Variants in DDX27 observed in about 807,000 individuals in gnomAD.
DDX27 encodes probable ATP-dependent RNA helicase DDX27.
In DDX27, 42 loss-of-function variants were observed where a neutral mutation model predicts 99.3. The observed-to-expected ratio is 0.42, with a 90% CI of 0.33 to 0.55. The LOEUF (loss-of-function observed/expected upper bound fraction) is 0.55, where lower values mean the gene tolerates loss of function less well. DDX27 is among the 20% of genes least tolerant of loss of function. The probability of loss-of-function intolerance (pLI) is 0.07; values close to 1 mark genes in which losing one functional copy is unlikely to be tolerated. For missense variants in DDX27, 798 were observed against 976.8 expected, an observed-to-expected ratio of 0.82 and a Z score of 2.44; for synonymous variants, 329 against 353.8, an observed-to-expected ratio of 0.93 and a Z score of 0.79.
At chr20:49,220,705 C>G (rs1247365943) in intron 1 of DDX27, among the ~76,000 whole-genome samples, 5 of 152,228 alleles carry the variant, frequency 3.3e-5, no homozygotes, top group Non-Finnish European at 7.3e-5. Flanking sequence ...GGCCAGTCCC[C>G]GAGGAGCCAG....
intron 2 of DDX27, 114 bp from the exon 3 acceptor site, chr20:49,222,843 T>C (rs1411414154): frequency 2.8e-6 from 2 of 713,314 alleles, no homozygotes; most frequent in East Asian, 3.0e-5. Flanking sequence ...TATGTATATG[T>C]ATTTTCAGAG....
Position 49,233,606 on chromosome 20 carries a change from C to T in DDX27, c.1170C>T (p.Val390=), listed in dbSNP as rs777109413. ...CTTCTGTCTCCTTGAAGAATCCTGT[C>T]CGGATATTTGTGAACAGCAACACAG... The part of the protein sequence containing the change: ...DLASVSLKNP[V]RIFVNSNTDV... The change falls in exon 11 of 21, where the codon GTC becomes GTT. Residue 390 remains valine, a synonymous_variant. Transcript: ENST00000618172. 8.1e-6 allele frequency: 13 copies of T among 1,614,042 alleles called. No homozygotes were observed. The highest frequency in any genetic ancestry group is 1.1e-5 in the South Asian group (1 of 91,088).
chr20:49,224,736 G>T, intron 4 of DDX27: 1 of 597,286 alleles, frequency 1.7e-6, no homozygotes, highest in Non-Finnish European at 3.0e-6. Flanking sequence ...CCTGGTCTCT[G>T]GACCAGAGTC....
chr20:49,219,562 T>G, intron 1 of DDX27, 21 bp downstream of exon 1: 1 of 1,580,920 alleles, frequency 6.3e-7, no homozygotes, highest in Non-Finnish European at 8.6e-7. Context: ...GGTTCTGGTC[T>G]TTGGGTTTCC....
intron 16 of DDX27, among the ~76,000 whole-genome samples, chr20:49,239,689 G>A (rs1980414567): frequency 8.0e-6 from 1 of 124,968 alleles, no homozygotes. Context: ...GCCATGGACT[G>A]GAACCGGTAT....
intron 11 of DDX27, 21 bp downstream of exon 11, chr20:49,233,730 T>C: frequency 6.2e-7 from 1 of 1,605,080 alleles, no homozygotes; most frequent in Non-Finnish European, 8.5e-7. Context: ...AGGGCAAGCC[T>C]GGGCAGGGTG....
chr20:49,224,444 C>T (rs1284215411), intron 4 of DDX27, among the ~76,000 whole-genome samples: 1 of 148,842 alleles, frequency 6.7e-6, no homozygotes, highest in Non-Finnish European at 1.5e-5. Context: ...CTCACTGCAA[C>T]CTCTGCCTCC....
Position 49,236,451 on chromosome 20 carries a change from T to C in DDX27, c.1628T>C (p.Met543Thr), listed in dbSNP as rs754906917. ...VSLVGEDERK[M>T]LKEIVKAAKA... ...CTGGTGGGAGAAGATGAGCGGAAGA[T>C]GCTGAAGGAGATTGTAAAAGCTGCC... Residue 543 changes from methionine to threonine, a missense_variant, in exon 14 of 21, where the codon ATG becomes ACG. By Grantham distance (81) the Met-to-Thr change is moderately conservative. Coordinates refer to ENST00000618172, the MANE Select transcript of DDX27 (RefSeq NM_017895.8). The surrounding 1 kb of genome is among the most constrained non-coding windows in gnomAD (Gnocchi z 4.1). 2 of 1,612,478 alleles carry C rather than the reference T, an allele frequency of 1.2e-6. No individual in the cohort carries two copies.
chr20:49,243,721 G>T lies in DDX27; in HGVS notation c.2279+18G>T, dbSNP rs1980557339. On this transcript the variant is annotated intron_variant, in intron 20 of 20. Transcript: ENST00000618172. ...AAATCCAGGTGATACTGGCTGTTTTGGAGGGGCATAGGTTTTGGGATTAGA... is the reference window on the plus strand; with the variant it reads ...AAATCCAGGTGATACTGGCTGTTTTTGAGGGGCATAGGTTTTGGGATTAGA... 6.2e-7 allele frequency: 1 copy of T among 1,613,920 alleles called. No homozygotes were observed. Among genetic ancestry groups the T allele is most frequent in the Non-Finnish European group, 8.5e-7 (1 of 1,179,914 alleles).
intron 4 of DDX27, 63 bp from the exon 5 acceptor site, chr20:49,224,882 C>A: frequency 6.3e-7 from 1 of 1,583,862 alleles, no homozygotes; most frequent in South Asian, 1.1e-5. Context: ...AGGACAGTGT[C>A]CAGCAGGATG....
chr20:49,236,550 G>A lies in DDX27; in HGVS notation c.1687+40G>A. 1 of 1,514,940 alleles carries A rather than the reference G, an allele frequency of 6.6e-7. No individual in the cohort carries two copies. The allele number at this position is 1,514,940 out of a possible 1,614,324, so 93.8% of individuals were successfully genotyped here. A position where few individuals can be genotyped will look rare whatever the true frequency, so the allele number is the denominator to read the frequency against. On this transcript the variant is annotated intron_variant, in intron 14 of 20. Coordinates refer to ENST00000618172, the MANE Select transcript of DDX27 (RefSeq NM_017895.8). The surrounding 1 kb of genome is among the most constrained non-coding windows in gnomAD (Gnocchi z 4.1). Reference sequence around the variant, plus strand: ...CTGTGGCAGTGCAGAATGGCTCGGTGGGCGGGGCAAGGACAGAGTGTAATG... The same window carrying A: ...CTGTGGCAGTGCAGAATGGCTCGGTAGGCGGGGCAAGGACAGAGTGTAATG...
intron 7 of DDX27, among the ~76,000 whole-genome samples, chr20:49,227,113 T>C (rs560474870): frequency 1.4e-3 from 212 of 152,034 alleles, no homozygotes; most frequent in South Asian, 4.6e-3. Context: ...CCGCCCGCCT[T>C]GGCCTCCCAA....
chr20:49,242,967 G>A (rs896350200), intron 19 of DDX27, among the ~76,000 whole-genome samples: 5 of 152,042 alleles, frequency 3.3e-5, no homozygotes, highest in Non-Finnish European at 7.4e-5. Context: ...TGATCCACCC[G>A]CCTCAGCCTC....
chr20:49,243,922 T>C lies in DDX27; in HGVS notation c.*88T>C. 1 of 1,513,406 alleles carries C rather than the reference T, an allele frequency of 6.6e-7. No individual in the cohort carries two copies. Among genetic ancestry groups the C allele is most frequent in the African/African-American group, 1.4e-5 (1 of 71,228 alleles). The allele number at this position is 1,513,406 out of a possible 1,614,324, so 93.7% of individuals were successfully genotyped here. On this transcript the variant is annotated 3_prime_UTR_variant, in exon 21 of 21. Coordinates refer to ENST00000618172, the MANE Select transcript of DDX27 (RefSeq NM_017895.8). Reference sequence around the variant, plus strand: ...CCTGGCTGGTCTGTCTTTTCTCCATTTGTTTAAAAAAAAAACAAAAACAAA... The same window carrying C: ...CCTGGCTGGTCTGTCTTTTCTCCATCTGTTTAAAAAAAAAACAAAAACAAA...
chr20:49,239,708 G>C (rs1278767692), intron 16 of DDX27, among the ~76,000 whole-genome samples: 1 of 151,844 alleles, frequency 6.6e-6, no homozygotes, highest in Non-Finnish European at 1.5e-5. Context: ...ATGCAGCCTG[G>C]GGTTGGGGAC....
chr20:49,220,503 A>C (rs1979613692), intron 1 of DDX27, among the ~76,000 whole-genome samples: 1 of 152,208 alleles, frequency 6.6e-6, no homozygotes, highest in Non-Finnish European at 1.5e-5. Context: ...CCCTTGCTTA[A>C]AACTCTCCAG....
intron 11 of DDX27, chr20:49,234,022 T>G: frequency 3.3e-6 from 1 of 302,850 alleles, no homozygotes; most frequent in Non-Finnish European, 6.3e-6. Flanking sequence ...TTGCTCGAGC[T>G]CCCTGCTTCC....
intron 9 of DDX27, among the ~76,000 whole-genome samples, chr20:49,230,684 G>T (rs1980078161): frequency 6.6e-6 from 1 of 152,214 alleles, no homozygotes; most frequent in Non-Finnish European, 1.5e-5. Context: ...TAGTGTTGAG[G>T]AGCTGAGGAG....
intron 9 of DDX27, 59 bp from the exon 10 acceptor site, chr20:49,233,247 C>T (rs1031964179): frequency 7.9e-7 from 1 of 1,272,626 alleles, no homozygotes. Flanking sequence ...AATCCCGTGT[C>T]CCTCACTGTG....
Sources: gnomAD v4.1 joint callset for allele counts (sites outside exome capture counted in the v4.1 genomes callset) on GRCh38, gnomAD v4.1.1 for gene constraint, Gnocchi (gnomAD v3.1) non-coding constraint, MANE v1.5 for transcripts, NCBI Gene and HGNC (gene_info 2026-07-23, HGNC 2026-07-21) for gene names.